MDGA2: variants seen among roughly 807,000 people sequenced by gnomAD.
MDGA2 encodes MAM domain-containing glycosylphosphatidylinositol anchor protein 2.
Under a neutral mutation model 117.8 loss-of-function variants are expected in MDGA2, and 40 were observed. That is an observed-to-expected ratio of 0.34 (90% CI 0.26 to 0.44). MDGA2 has a LOEUF of 0.44. Ranked by LOEUF, MDGA2 falls within the 20% of genes least tolerant of loss-of-function variation. The pLI is 1.00. For missense variants in MDGA2, 1,123 were observed against 1,250.6 expected (o/e 0.90, Z 1.54); for synonymous variants, 452 against 439.0 (o/e 1.03, Z -0.37).
At chr14:47,150,009 T>C (rs945788230) in intron 3 of MDGA2, among the ~76,000 whole-genome samples, 5 of 152,208 alleles carry the variant, frequency 3.3e-5, no homozygotes, top group Non-Finnish European at 5.9e-5. Flanking sequence ...ATGTCATCTA[T>C]TGACCCTATA....
intron 1 of MDGA2, among the ~76,000 whole-genome samples, chr14:47,474,205 C>A (rs1032203668): frequency 7.9e-5 from 12 of 151,962 alleles, no homozygotes; most frequent in African/African-American, 2.9e-4. Context: ...AGATGAGAGC[C>A]AAATCATAAA....
intron 3 of MDGA2, among the ~76,000 whole-genome samples, chr14:47,177,112 A>G (rs903677227): frequency 1.3e-5 from 2 of 152,246 alleles, no homozygotes; most frequent in African/African-American, 4.8e-5. Context: ...ATACCATCTC[A>G]CACCAGTTAG....
At chr14:47,565,871 G>A (rs1440471800) in intron 1 of MDGA2, among the ~76,000 whole-genome samples, 1 of 152,164 alleles carries the variant, frequency 6.6e-6, no homozygotes, top group Non-Finnish European at 1.5e-5. Context: ...TGACAATGTG[G>A]GGCAGGGAAT....
chr14:47,155,218 C>G (rs968970842), intron 3 of MDGA2, among the ~76,000 whole-genome samples: 5 of 152,154 alleles, frequency 3.3e-5, no homozygotes, highest in African/African-American at 9.7e-5. Flanking sequence ...TCGCCTTGCT[C>G]ACGCCTGTAG....
At chr14:47,394,748 T>A (rs1891970364) in intron 1 of MDGA2, among the ~76,000 whole-genome samples, 1 of 152,138 alleles carries the variant, frequency 6.6e-6, no homozygotes, top group Admixed American at 6.6e-5. Context: ...AAGTGTCAAA[T>A]TAAAACAAAA....
chr14:47,669,326 C>T (rs1898033516), intron 1 of MDGA2, among the ~76,000 whole-genome samples: 1 of 152,178 alleles, frequency 6.6e-6, no homozygotes, highest in Non-Finnish European at 1.5e-5. Context: ...TTTGTGACAT[C>T]TATTCACCGG....
At chr14:47,221,904 G>A (rs1313723683) in intron 2 of MDGA2, among the ~76,000 whole-genome samples, 1 of 151,940 alleles carries the variant, frequency 6.6e-6, no homozygotes, top group Admixed American at 6.6e-5. Flanking sequence ...ATTGTGGAAT[G>A]ATTAAATCAA....
rs570459771 is a variant in MDGA2 at position 46,921,869 on chromosome 14, A to G, written c.2090-1709T>C. 7.2e-5 allele frequency among the ~76,000 whole-genome samples: 11 copies of G among 152,278 alleles called. 1 individual carries two copies. Among genetic ancestry groups the G allele is most frequent in the African/African-American group, 2.2e-4 (9 of 41,568 alleles). ...CTGCTTAGATGAGTAACATAAACCT[A>G]GAGTGTTTTCATTACAGAGTGGTAT... On this transcript the variant is annotated intron_variant, in intron 9 of 16. Transcript: ENST00000399232.
intron 1 of MDGA2, among the ~76,000 whole-genome samples, chr14:47,380,487 G>GAA (rs1555377607): frequency 2.0e-5 from 3 of 151,036 alleles, no homozygotes; most frequent in African/African-American, 7.3e-5. Context: ...AACTAATAAA[G>GAA]AAGAGAGAAG....
At chr14:47,017,577 T>C (rs1471855924) in intron 8 of MDGA2, among the ~76,000 whole-genome samples, 2 of 151,714 alleles carry the variant, frequency 1.3e-5, no homozygotes, top group African/African-American at 2.4e-5. Context: ...ATATACGCAA[T>C]CTTCAACATT....
chr14:47,037,659 A>G (rs1261803842), intron 7 of MDGA2, among the ~76,000 whole-genome samples: 8 of 152,090 alleles, frequency 5.3e-5, no homozygotes, highest in Admixed American at 5.2e-4. Context: ...TATTGCTATC[A>G]CAGTGGATAA....
At chr14:47,379,011 G>T (rs1029161538) in intron 1 of MDGA2, among the ~76,000 whole-genome samples, 5 of 152,172 alleles carry the variant, frequency 3.3e-5, no homozygotes, top group Non-Finnish European at 7.3e-5. Context: ...GACTAACAGC[G>T]GATCTCTTGG....
intron 1 of MDGA2, among the ~76,000 whole-genome samples, chr14:47,595,547 CAAAAAAAAACA>C (rs1896523755): frequency 1.4e-5 from 1 of 69,056 alleles, no homozygotes; most frequent in Non-Finnish European, 2.5e-5. Flanking sequence ...AACCAAAAAA[CAAAAAAAAACA>C]AAAAAAAAAA....
chr14:47,462,282 AG>A (rs11303528), intron 1 of MDGA2, among the ~76,000 whole-genome samples: 47,383 of 150,270 alleles, frequency 0.32, 7,773 homozygotes, highest in South Asian at 0.53. Flanking sequence ...AGGCTGAGGC[AG>A]GAGAATGATG....
At chr14:47,546,998 A>G (rs1309747452) in intron 1 of MDGA2, among the ~76,000 whole-genome samples, 2 of 152,172 alleles carry the variant, frequency 1.3e-5, no homozygotes, top group Non-Finnish European at 2.9e-5. Context: ...CAAAGGAACA[A>G]AACAAGTTGT....
intron 5 of MDGA2, among the ~76,000 whole-genome samples, chr14:47,121,997 C>A (rs985998384): frequency 6.6e-6 from 1 of 151,944 alleles, no homozygotes; most frequent in Non-Finnish European, 1.5e-5. Context: ...CTAAACTTTG[C>A]TTGCATGGAC....
Position 46,884,676 on chromosome 14 carries a change from C to T in MDGA2, c.2239-2455G>A, listed in dbSNP as rs1436691421. ...TGCACAGAAGAGAGAAAAATATATA[C>T]CATTCAATTGGTTATGCATATGGAA... On this transcript the variant is annotated intron_variant, in intron 10 of 16. Coordinates refer to ENST00000399232, the MANE Select transcript of MDGA2 (RefSeq NM_001113498.3). The surrounding 1 kb of genome is among the most constrained non-coding windows in gnomAD (Gnocchi z 4.1). 6.6e-6 allele frequency among the ~76,000 whole-genome samples: 1 copy of T among 151,944 alleles called. No individual in the cohort carries two copies. The highest frequency in any genetic ancestry group is 1.5e-5 in the Non-Finnish European group (1 of 67,996).
At chr14:47,255,881 A>G (rs1358702904) in intron 2 of MDGA2, among the ~76,000 whole-genome samples, 1 of 152,052 alleles carries the variant, frequency 6.6e-6, no homozygotes, top group Admixed American at 6.6e-5. Context: ...ACTGGAAACC[A>G]GTATTGGCAT....
intron 10 of MDGA2, among the ~76,000 whole-genome samples, chr14:46,895,741 A>T (rs981224202): frequency 2.6e-5 from 4 of 152,074 alleles, no homozygotes; most frequent in Non-Finnish European, 5.9e-5. Flanking sequence ...AGAAAAAAAA[A>T]AAAGAATAAC....
Sources: gnomAD v4.1 joint callset for allele counts (sites outside exome capture counted in the v4.1 genomes callset) on GRCh38, gnomAD v4.1.1 for gene constraint, Gnocchi (gnomAD v3.1) non-coding constraint, MANE v1.5 for transcripts, NCBI Gene and HGNC (gene_info 2026-07-23, HGNC 2026-07-21) for gene names.